PTPRT: variants seen among roughly 807,000 people sequenced by gnomAD.
The protein encoded by PTPRT is protein tyrosine phosphatase receptor type T.
Under a neutral mutation model 176.8 loss-of-function variants are expected in PTPRT, and 56 were observed. That is an observed-to-expected ratio of 0.32 (90% CI 0.26 to 0.40). The LOEUF is 0.40. PTPRT is among the 10% of genes least tolerant of loss of function. The pLI, the probability that PTPRT is intolerant of heterozygous loss-of-function variation, is 1.00. For synonymous variants in PTPRT, 783 were observed against 739.0 expected (o/e 1.06, Z -0.96); for missense variants, 1,540 against 1,908.2 (o/e 0.81, Z 3.60).
chr20:43,058,985 G>T (rs1987350137), intron 1 of PTPRT, among the ~76,000 whole-genome samples: 1 of 152,104 alleles, frequency 6.6e-6, no homozygotes, highest in Non-Finnish European at 1.5e-5. Flanking sequence ...TTCAATGTGA[G>T]GTGGCGCCAG....
At chr20:42,774,066 G>A (rs190965494) in intron 4 of PTPRT, among the ~76,000 whole-genome samples, 2 of 152,282 alleles carry the variant, frequency 1.3e-5, no homozygotes, top group East Asian at 3.9e-4. Context: ...GTGGTAGAGA[G>A]TTTAGATGTT....
chr20:43,074,617 T>G (rs2146277318), intron 1 of PTPRT, among the ~76,000 whole-genome samples: 1 of 152,322 alleles, frequency 6.6e-6, no homozygotes, highest in African/African-American at 2.4e-5. Context: ...TGGCAGAGCC[T>G]AAATTTGGTC....
intron 1 of PTPRT, among the ~76,000 whole-genome samples, chr20:43,105,500 G>T (rs985742763): frequency 5.9e-5 from 9 of 151,954 alleles, no homozygotes; most frequent in Non-Finnish European, 1.2e-4. Context: ...TCCTGGGTTC[G>T]AGTGTTTCTC....
intron 17 of PTPRT, among the ~76,000 whole-genome samples, chr20:42,145,497 C>CATAGATAGATAG (rs59838948): frequency 0.069 from 10,015 of 144,458 alleles, 405 homozygotes; most frequent in East Asian, 0.096. Flanking sequence ...GACTTTGTCT[C>CATAGATAGATAG]ATAGATAGAT....
chr20:42,667,051 T>A (rs1431210841), intron 7 of PTPRT, among the ~76,000 whole-genome samples: 1 of 152,248 alleles, frequency 6.6e-6, no homozygotes, highest in Non-Finnish European at 1.5e-5. Flanking sequence ...CTTTTTAGCC[T>A]CTCTTGAGAG....
intron 6 of PTPRT, among the ~76,000 whole-genome samples, chr20:42,698,162 C>G (rs756722974): frequency 6.6e-6 from 1 of 152,134 alleles, no homozygotes; most frequent in Non-Finnish European, 1.5e-5. Flanking sequence ...GTTGGAAACC[C>G]AACAAGGTTT....
At chr20:42,416,085 G>A (rs1037369530) in intron 9 of PTPRT, among the ~76,000 whole-genome samples, 9 of 152,146 alleles carry the variant, frequency 5.9e-5, no homozygotes, top group African/African-American at 2.2e-4. Flanking sequence ...GCTCTTTGCT[G>A]ATGTAATTAA....
chr20:42,485,770 G>A (rs1157624924), intron 7 of PTPRT, among the ~76,000 whole-genome samples: 2 of 152,122 alleles, frequency 1.3e-5, no homozygotes, highest in Non-Finnish European at 2.9e-5. Flanking sequence ...GCCCTGCTGT[G>A]TCAGCAGCCC....
At chr20:42,345,734 C>T (rs559152253) in intron 11 of PTPRT, among the ~76,000 whole-genome samples, 39 of 149,686 alleles carry the variant, frequency 2.6e-4, no homozygotes, top group African/African-American at 9.3e-4. Context: ...CAACAGAAAA[C>T]AAAACAAAAA....
chr20:42,475,903 A>G (rs542916353), intron 7 of PTPRT, among the ~76,000 whole-genome samples: 1 of 152,294 alleles, frequency 6.6e-6, no homozygotes, highest in East Asian at 1.9e-4. Context: ...GTTGGGATAC[A>G]GGAAAAGCCA....
At chr20:42,337,156 C>T (rs945494222) in intron 11 of PTPRT, among the ~76,000 whole-genome samples, 1 of 148,898 alleles carries the variant, frequency 6.7e-6, no homozygotes, top group African/African-American at 2.6e-5. Context: ...ATTTAGAAGC[C>T]CCCCCTTCCC....
At position 43,103,181 on chromosome 20, in the gene PTPRT, G is replaced by A. The variant is rs117941496; in HGVS notation, c.88+86465C>T. On this transcript the variant is annotated intron_variant, in intron 1 of 30. Coordinates refer to ENST00000373187, the MANE Select transcript of PTPRT (RefSeq NM_007050.6). ...CCCCCGTCCCCACTGGCGTTGGTGA[G>A]CACTCACCCCTTGTCACCTGGTCCA... Among the ~76,000 whole-genome samples, 1,081 of 152,196 alleles carry A rather than the reference G, an allele frequency of 7.1e-3. 7 individuals are homozygous for A. The highest frequency in any genetic ancestry group is 0.031 in the Middle Eastern group (9 of 294).
chr20:42,578,939 G>C (rs1271785612), intron 7 of PTPRT, among the ~76,000 whole-genome samples: 1 of 146,952 alleles, frequency 6.8e-6, no homozygotes, highest in Non-Finnish European at 1.5e-5. Flanking sequence ...TTAAGTTTTA[G>C]GGTACATGTG....
chr20:42,954,597 CG>C (rs1225926240), intron 1 of PTPRT, among the ~76,000 whole-genome samples: 1 of 150,278 alleles, frequency 6.7e-6, no homozygotes, highest in African/African-American at 2.5e-5. Context: ...GCTCAGTCAA[CG>C]TGCGTGTTTG....
intron 7 of PTPRT, among the ~76,000 whole-genome samples, chr20:42,599,697 C>T (rs1220144066): frequency 2.0e-5 from 3 of 152,068 alleles, no homozygotes; most frequent in Non-Finnish European, 4.4e-5. Flanking sequence ...CAGAACTGGC[C>T]GCACATTTCA....
intron 1 of PTPRT, among the ~76,000 whole-genome samples, chr20:43,053,324 G>A (rs991932779): frequency 3.9e-5 from 6 of 152,218 alleles, no homozygotes; most frequent in Non-Finnish European, 5.9e-5. Flanking sequence ...GGATCATGGC[G>A]GCTGACTCCT....
At chr20:42,658,511 A>C (rs896082742) in intron 7 of PTPRT, among the ~76,000 whole-genome samples, 4 of 152,320 alleles carry the variant, frequency 2.6e-5, no homozygotes, top group Non-Finnish European at 5.9e-5. Context: ...ACTCGTTTAC[A>C]GTAGGGGAGC....
In PTPRT at chr20:42,796,008, T is replaced by A. The variant is rs2145568292; in HGVS notation, c.215-4542A>T. Among the ~76,000 whole-genome samples the A allele has an allele frequency of 2.0e-5, 3 of 152,352 alleles. No individual in the cohort carries two copies. The South Asian group carries it at 6.2e-4, about 32-fold the overall frequency. On this transcript the variant is annotated intron_variant, in intron 2 of 30. Transcript: ENST00000373187. ...ATGTGCCAGGCATTGATCTAAGCAT[T>A]GTTTAGCACCCTAATGAGGTGGTGC...
At chr20:43,104,378 T>C (rs1466547268) in intron 1 of PTPRT, among the ~76,000 whole-genome samples, 1 of 151,930 alleles carries the variant, frequency 6.6e-6, no homozygotes, top group Non-Finnish European at 1.5e-5. Context: ...GACAACAATC[T>C]TGGGGTATGT....
Sources: gnomAD v4.1 joint callset for allele counts (sites outside exome capture counted in the v4.1 genomes callset) on GRCh38, gnomAD v4.1.1 for gene constraint, MANE v1.5 for transcripts, NCBI Gene and HGNC (gene_info 2026-07-23, HGNC 2026-07-21) for gene names.